BMERB1: variants seen among roughly 807,000 people sequenced by gnomAD.
BMERB1 encodes bMERB domain-containing protein 1.
Under a neutral mutation model 23.6 loss-of-function variants are expected in BMERB1, and 12 were observed. The observed-to-expected ratio is 0.51, with a 90% CI of 0.33 to 0.82. BMERB1 has a LOEUF of 0.82. Among genes scored for constraint, BMERB1 ranks in the 40% least tolerant of loss-of-function variants. The pLI, the probability that BMERB1 is intolerant of heterozygous loss-of-function variation, is 0.03. For missense variants in BMERB1, 247 were observed against 255.4 expected (o/e 0.97, Z 0.22); for synonymous variants, 122 against 96.6 (o/e 1.26, Z -1.54).
rs1232844425 is a variant in BMERB1 at position 15,480,617 on chromosome 16, T to C, written c.107-34688T>C. 5.4e-5 allele frequency among the ~76,000 whole-genome samples: 7 copies of C among 130,282 alleles called. No individual in the cohort carries two copies. The East Asian group carries it at 1.6e-3, about 29-fold the overall frequency. 85.5% of individuals were successfully genotyped at this position (130,282 alleles called of 152,430 possible). On this transcript the variant is annotated intron_variant, in intron 1 of 5. Coordinates refer to ENST00000300006, the MANE Select transcript of BMERB1 (RefSeq NM_033201.3). ...GCCAATTCCACTGTCTTTTTTTTTT[T>C]TTTTTTTTTTTTTTGAGACAGAGTC...
Position 15,444,126 on chromosome 16 carries a change from T to TTTTTTTTTG in BMERB1, c.106+9375_106+9376insGTTTTTTTT, listed in dbSNP as rs2050967895. Among the ~76,000 whole-genome samples the TTTTTTTTTG allele has an allele frequency of 2.8e-5, 2 of 70,332 alleles. 1 individual carries two copies. Among genetic ancestry groups the TTTTTTTTTG allele is most frequent in the African/African-American group, 9.9e-5 (2 of 20,252 alleles). 46.1% of individuals were successfully genotyped at this position (70,332 alleles called of 152,430 possible). The stretch of plus-strand genomic sequence containing the variant: ...CCAGGGTCCAGGCACCAGCTTTGTT[T>TTTTTTTTTG]TTTTTTTTTTTTTTTTTTTTTTTTG... On this transcript the variant is annotated intron_variant, in intron 1 of 5. Transcript: ENST00000300006.
intron 2 of BMERB1, among the ~76,000 whole-genome samples, chr16:15,520,952 A>T (rs1019350048): frequency 2.6e-5 from 4 of 152,198 alleles, no homozygotes; most frequent in African/African-American, 4.8e-5. Flanking sequence ...GAGATGAGAT[A>T]CCAGACCCCT....
rs138702056 is a variant in BMERB1, at chr16:15,459,064, C to T, written c.106+24305C>T. Among the ~76,000 whole-genome samples the T allele has an allele frequency of 1.8e-4, 27 of 152,046 alleles. No homozygotes were observed. The East Asian group carries it at 3.7e-3, about 21-fold the overall frequency. On this transcript the variant is annotated intron_variant, in intron 1 of 5. Coordinates refer to ENST00000300006, the MANE Select transcript of BMERB1 (RefSeq NM_033201.3). ...TGGAGGTTGCAGTGAGCCAAGATCG[C>T]GCCACTGCACTCCAGCCCAGGTAAC...
intron 2 of BMERB1, among the ~76,000 whole-genome samples, chr16:15,565,930 C>T (rs999343611): frequency 2.6e-5 from 4 of 152,144 alleles, no homozygotes; most frequent in Non-Finnish European, 5.9e-5. Context: ...TTTGAAGATA[C>T]ATCTCAACAG....
intron 1 of BMERB1, among the ~76,000 whole-genome samples, chr16:15,476,217 C>T (rs1288111258): frequency 7.1e-6 from 1 of 141,266 alleles, no homozygotes; most frequent in Admixed American, 7.7e-5. Flanking sequence ...AGCTGGAGTG[C>T]AGTGGCGTGA....
At chr16:15,571,843 C>G (rs2030736440) in intron 3 of BMERB1, among the ~76,000 whole-genome samples, 1 of 152,138 alleles carries the variant, frequency 6.6e-6, no homozygotes, top group South Asian at 2.1e-4. Flanking sequence ...ACTTCCTCCT[C>G]TACTCCGCGT....
At chr16:15,568,394 T>C (rs2030636409) in intron 3 of BMERB1, among the ~76,000 whole-genome samples, 1 of 152,106 alleles carries the variant, frequency 6.6e-6, no homozygotes, top group Non-Finnish European at 1.5e-5. Flanking sequence ...TCCCAGCACT[T>C]TAGGAGGCTG....
At chr16:15,505,814 G>C (rs1474471335) in intron 1 of BMERB1, among the ~76,000 whole-genome samples, 1 of 151,566 alleles carries the variant, frequency 6.6e-6, no homozygotes, top group Admixed American at 6.6e-5. Flanking sequence ...CGTGAATTCA[G>C]GAGGCAGAGC....
At chr16:15,532,544 C>CTTTTTTTTTTTTTTTT (rs58964968) in intron 2 of BMERB1, among the ~76,000 whole-genome samples, 2 of 91,832 alleles carry the variant, frequency 2.2e-5, no homozygotes, top group Non-Finnish European at 3.9e-5. Context: ...TTTTCTTTTT[C>CTTTTTTTTTTTTTTTT]TTTTTTTTTT....
chr16:15,539,383 C>T (rs965668142), intron 2 of BMERB1, among the ~76,000 whole-genome samples: 6 of 152,152 alleles, frequency 3.9e-5, no homozygotes, highest in Non-Finnish European at 8.8e-5. Context: ...TCACCCGCCA[C>T]TCACCTCCTG....
intron 1 of BMERB1, among the ~76,000 whole-genome samples, chr16:15,496,506 A>G (rs994981549): frequency 1.3e-5 from 2 of 152,106 alleles, no homozygotes; most frequent in African/African-American, 4.8e-5. Context: ...AACAAATATT[A>G]CAAGCTAAGG....
intron 2 of BMERB1, among the ~76,000 whole-genome samples, chr16:15,546,063 G>C (rs1053780769): frequency 6.6e-6 from 1 of 152,134 alleles, no homozygotes; most frequent in Non-Finnish European, 1.5e-5. Context: ...GAGATGGGAG[G>C]ATTGCTTTGA....
intron 2 of BMERB1, among the ~76,000 whole-genome samples, chr16:15,565,002 C>T (rs1174566433): frequency 1.3e-5 from 2 of 151,282 alleles, no homozygotes; most frequent in African/African-American, 2.4e-5. Flanking sequence ...TTTACTTTAT[C>T]GTAAATACTG....
intron 2 of BMERB1, among the ~76,000 whole-genome samples, chr16:15,560,787 C>T (rs1268106654): frequency 2.7e-5 from 4 of 150,376 alleles, no homozygotes; most frequent in Non-Finnish European, 5.9e-5. Context: ...AGCCAGACTC[C>T]ATCTCAAAAT....
chr16:15,585,699 G>A (rs1057003706), intron 5 of BMERB1, among the ~76,000 whole-genome samples: 9 of 152,050 alleles, frequency 5.9e-5, no homozygotes, highest in African/African-American at 1.4e-4. Context: ...GCATGGTGGC[G>A]CACACCTGTA....
At chr16:15,477,763 T>C (rs1190541755) in intron 1 of BMERB1, among the ~76,000 whole-genome samples, 1 of 152,100 alleles carries the variant, frequency 6.6e-6, no homozygotes, top group Non-Finnish European at 1.5e-5. Context: ...GCTTTTCCTT[T>C]ACTGTGTCTG....
At chr16:15,456,960 G>A (rs1465568015) in intron 1 of BMERB1, among the ~76,000 whole-genome samples, 1 of 151,896 alleles carries the variant, frequency 6.6e-6, no homozygotes, top group African/African-American at 2.4e-5. Context: ...CGAGTACCTG[G>A]GATTACAGGC....
chr16:15,532,551 T>C (rs1325474242), intron 2 of BMERB1, among the ~76,000 whole-genome samples: 5 of 139,948 alleles, frequency 3.6e-5, no homozygotes, highest in Non-Finnish European at 6.2e-5. Flanking sequence ...TTTCTTTTTT[T>C]TTTTTTTTTT....
chr16:15,472,078 T>A (rs1316324242), intron 1 of BMERB1, among the ~76,000 whole-genome samples: 1 of 152,226 alleles, frequency 6.6e-6, no homozygotes, highest in East Asian at 1.9e-4. Flanking sequence ...CTGTTATATT[T>A]CTGTTATTGA....
Sources: allele counts gnomAD v4.1 joint callset (sites outside exome capture counted in the v4.1 genomes callset), GRCh38; gene constraint gnomAD v4.1.1; transcripts MANE v1.5; gene names NCBI Gene and HGNC (gene_info 2026-07-23, HGNC 2026-07-21).